The following ZNF317 variants were observed in gnomAD, a reference collection of about 807,000 sequenced individuals.
ZNF317 encodes zinc finger protein 317.
ZNF317 carries 17 observed loss-of-function variants against 23.4 expected under a neutral mutation model. The observed-to-expected ratio is 0.73, with a 90% CI of 0.50 to 1.09. ZNF317 has a LOEUF of 1.09. Among genes scored for constraint, ZNF317 ranks in the 50% least tolerant of loss-of-function variants. The pLI is 0.00. For missense variants in ZNF317, 679 were observed against 796.7 expected (o/e 0.85, Z 1.78); for synonymous variants, 317 against 314.9 (o/e 1.01, Z -0.07).
chr19:9,159,982 A>C, intron 6 of ZNF317, 132 bp from the exon 7 acceptor site: 4 of 1,352,936 alleles, frequency 3.0e-6, no homozygotes, highest in Non-Finnish European at 4.1e-6. Flanking sequence ...GCACGTTTGC[A>C]CGGCAGATGG....
chr19:9,149,413 A>G (rs2050717148), intron 1 of ZNF317, among the ~76,000 whole-genome samples: 1 of 152,122 alleles, frequency 6.6e-6, no homozygotes, highest in African/African-American at 2.4e-5. Flanking sequence ...CGCAGGTTGC[A>G]GTGAGCTGAG....
intron 3 of ZNF317, 186 bp downstream of exon 3, chr19:9,156,934 C>A: frequency 2.6e-6 from 2 of 759,758 alleles, no homozygotes; most frequent in Non-Finnish European, 4.1e-6. Context: ...ATTTATGTAG[C>A]ATCTGTTTCC....
At chr19:9,147,328 T>G in intron 1 of ZNF317, among the ~76,000 whole-genome samples, 1 of 134,104 alleles carries the variant, frequency 7.5e-6, no homozygotes, top group East Asian at 2.1e-4. Flanking sequence ...CCAATGACAC[T>G]GGTTTTTTTT....
intron 2 of ZNF317, 27 bp from the exon 3 acceptor site, chr19:9,156,585 T>C: frequency 6.2e-7 from 1 of 1,608,162 alleles, no homozygotes; most frequent in Non-Finnish European, 8.5e-7. Flanking sequence ...AGGCTCTGAT[T>C]CTCATGAACC....
intron 1 of ZNF317, among the ~76,000 whole-genome samples, chr19:9,142,400 CTGTT>C (rs1401697883): frequency 6.6e-6 from 1 of 152,058 alleles, no homozygotes; most frequent in Non-Finnish European, 1.5e-5. Context: ...CTAGGCAAGC[CTGTT>C]TGTTTTCTGA....
intron 1 of ZNF317, among the ~76,000 whole-genome samples, chr19:9,146,400 A>T (rs1394348787): frequency 6.8e-6 from 1 of 147,494 alleles, no homozygotes; most frequent in African/African-American, 2.5e-5. Flanking sequence ...CTATATATAT[A>T]TTGTATATAT....
rs368386967 is a variant in ZNF317, at chr19:9,160,830, C to G, written c.1185C>G (p.Cys395Trp). 6.2e-7 allele frequency: 1 copy of G among 1,613,992 alleles called. No homozygotes were observed. Among genetic ancestry groups the G allele is most frequent in the African/African-American group, 1.3e-5 (1 of 74,920 alleles). The change falls in exon 7 of 7, where the codon TGC becomes TGG. Residue 395 changes from cysteine to tryptophan, a missense_variant. Physicochemically the swap from Cys to Trp is radical, Grantham distance 215 (BLOSUM62 -2). Coordinates refer to ENST00000247956, the MANE Select transcript of ZNF317 (RefSeq NM_020933.5). This position sits in a 1 kb window ranked among gnomAD's most constrained non-coding sequence, Gnocchi z 6.8. The part of the protein sequence containing the change: ...MVEKTYECKE[C>W]GKSFGDLVSR... ...AGAAGACCTACGAATGTAAAGAATG[C>G]GGGAAATCCTTTGGCGATCTCGTGT...
chr19:9,161,440 C>T lies in ZNF317; in HGVS notation c.*7C>T. On this transcript the variant is annotated 3_prime_UTR_variant, in exon 7 of 7. Coordinates refer to ENST00000247956, the MANE Select transcript of ZNF317 (RefSeq NM_020933.5). The surrounding 1 kb of genome is among the most constrained non-coding windows in gnomAD (Gnocchi z 4.0). ...GTGGAAAAGGCTCCAGTGAGCGCGCCTGCTTTAGAGACACAGGATGATTCA... is the reference window on the plus strand; with the variant it reads ...GTGGAAAAGGCTCCAGTGAGCGCGCTTGCTTTAGAGACACAGGATGATTCA... 6.2e-7 allele frequency: 1 copy of T among 1,604,674 alleles called. No individual in the cohort carries two copies. Among genetic ancestry groups the T allele is most frequent in the Non-Finnish European group, 8.5e-7 (1 of 1,174,118 alleles).
intron 1 of ZNF317, among the ~76,000 whole-genome samples, chr19:9,142,182 T>C (rs1298159738): frequency 2.6e-5 from 4 of 152,244 alleles, no homozygotes. Context: ...CTTTGTTTTT[T>C]GGTGCTCAGA....
chr19:9,159,153 A>T (rs1254786579), intron 6 of ZNF317, among the ~76,000 whole-genome samples: 1 of 152,194 alleles, frequency 6.6e-6, no homozygotes, highest in Non-Finnish European at 1.5e-5. Context: ...TTGGGGCTCA[A>T]TGCAGTTTTT....
At chr19:9,158,985 G>A (rs2145959472) in intron 6 of ZNF317, 77 bp downstream of exon 6, 2 of 995,296 alleles carry the variant, frequency 2.0e-6, no homozygotes, top group Middle Eastern at 2.9e-4. Flanking sequence ...TAGAAAAGCA[G>A]TTCAACACCA....
chr19:9,147,343 T>G (rs1280306486), intron 1 of ZNF317, among the ~76,000 whole-genome samples: 9 of 139,968 alleles, frequency 6.4e-5, no homozygotes, highest in African/African-American at 2.4e-4. Context: ...TTTTTTTTTT[T>G]TTTTTTTTTT....
rs1389196876 is a variant in ZNF317 at position 9,161,364 on chromosome 19, C to CA, written c.1720dup (p.Arg574LysfsTer43). The CA allele has an allele frequency of 6.2e-7, 1 of 1,614,084 alleles. No individual in the cohort carries two copies. The highest frequency in any genetic ancestry group is 8.5e-7 in the Non-Finnish European group (1 of 1,180,040). ...AAGCCTTCAGCGACCACTCATCCCT[C>CA]AGGAGCCACGTGAAAACTCACCGGG... On this transcript the variant is annotated frameshift_variant, in exon 7 of 7. Transcript: ENST00000247956. LOFTEE classifies it low-confidence loss of function (END_TRUNC). The surrounding 1 kb of genome is among the most constrained non-coding windows in gnomAD (Gnocchi z 4.0).
At chr19:9,146,693 G>A (rs191955938) in intron 1 of ZNF317, among the ~76,000 whole-genome samples, 83 of 152,030 alleles carry the variant, frequency 5.5e-4, no homozygotes, top group Non-Finnish European at 9.9e-4. Flanking sequence ...GCCTCCCAAA[G>A]TGCTGAGATT....
rs1429846261 is a variant in ZNF317 at position 9,155,792 on chromosome 19, T to A, written c.-92-133T>A. The A allele has an allele frequency of 1.0e-5, 6 of 596,478 alleles. No homozygotes were observed. In the East Asian group the frequency reaches 1.7e-4, roughly 17 times the overall value. The allele number at this position is 596,478 out of a possible 1,614,324, so 36.9% of individuals were successfully genotyped here. On this transcript the variant is annotated intron_variant, in intron 1 of 6. Coordinates refer to ENST00000247956, the MANE Select transcript of ZNF317 (RefSeq NM_020933.5). ...GCTGAGAGAGTTTACCTAAGTAAGA[T>A]AAAAGTCCAGGATCAGGCAGATCTT...
intron 2 of ZNF317, 102 bp from the exon 3 acceptor site, chr19:9,156,510 G>A: frequency 6.4e-6 from 9 of 1,415,690 alleles, no homozygotes; most frequent in Middle Eastern, 1.9e-4. Context: ...GATTGAGGAT[G>A]TGAACACTCA....
intron 1 of ZNF317, among the ~76,000 whole-genome samples, chr19:9,153,963 G>C (rs185054004): frequency 3.3e-3 from 500 of 152,268 alleles, no homozygotes; most frequent in Non-Finnish European, 3.5e-3. Flanking sequence ...GCAGGCATTG[G>C]TTTCAAGATG....
rs1047611658 is a variant in ZNF317 at position 9,162,415 on chromosome 19, T to A, written c.*982T>A. 2.0e-5 allele frequency: 3 copies of A among 152,146 alleles called. No homozygotes were observed. The highest frequency in any genetic ancestry group is 7.2e-5 in the African/African-American group (3 of 41,420). 9.4% of individuals were successfully genotyped at this position (152,146 alleles called of 1,614,324 possible). On this transcript the variant is annotated 3_prime_UTR_variant, in exon 7 of 7. Transcript: ENST00000247956. Reference sequence around the variant, plus strand: ...GGAGAAATTTCTTTTACAAAACTTTTAAAATACAATTAGTGCTGATAATTC... The same window carrying A: ...GGAGAAATTTCTTTTACAAAACTTTAAAAATACAATTAGTGCTGATAATTC...
rs376937321 is a variant in ZNF317, at chr19:9,157,260, C to T, written c.163-8C>T. On this transcript the variant is annotated splice_region_variant and splice_polypyrimidine_tract_variant and intron_variant, in intron 3 of 6. Transcript: ENST00000247956. ...CCTCGCTGACCCCAAGTTTGTGTGG[C>T]GTTCCAGGAATCGGTGACTTTCCAA... is the stretch of plus-strand genomic sequence containing the variant. 278 of 1,613,086 alleles carry T rather than the reference C, an allele frequency of 1.7e-4. No homozygotes were observed. The highest frequency in any genetic ancestry group is 2.2e-4 in the Non-Finnish European group (255 of 1,179,608).
Sources: allele counts gnomAD v4.1 joint callset (sites outside exome capture counted in the v4.1 genomes callset), GRCh38; gene constraint gnomAD v4.1.1; non-coding constraint Gnocchi (gnomAD v3.1); transcripts MANE v1.5; gene names NCBI Gene and HGNC (gene_info 2026-07-23, HGNC 2026-07-21).